PRAMEF5: variants seen among roughly 807,000 people sequenced by gnomAD.
PRAMEF5 encodes the protein PRAME family member 23.
In PRAMEF5, 5 loss-of-function variants were observed where a neutral mutation model predicts 16.4. The observed-to-expected ratio is 0.30, with a 90% CI of 0.16 to 0.64. The LOEUF (loss-of-function observed/expected upper bound fraction) is 0.64, where lower values mean the gene tolerates loss of function less well. PRAMEF5 is among the 30% of genes least tolerant of loss of function. PRAMEF5 has a pLI of 0.80. For missense variants in PRAMEF5, 36 were observed against 282.9 expected (o/e 0.13, Z 6.26); for synonymous variants, 19 against 107.3 (o/e 0.18, Z 5.09).
chr1:13,255,770 CTTTTTCTTTTTTTTTTTTTT>C (rs1639312540), intron 1 of PRAMEF5: 1 of 24,610 alleles, frequency 4.1e-5, no homozygotes, highest in Non-Finnish European at 1.0e-4. Flanking sequence ...TCTCCTTTTT[CTTTTTCTTTTTTTTTTTTTT>C]TTTTTTTTTT....
chr1:13,262,106 G>A (rs1418593027), intron 3 of PRAMEF5: 2 of 153,150 alleles, frequency 1.3e-5, no homozygotes, highest in Admixed American at 6.3e-5. Flanking sequence ...CTGTCACCCA[G>A]GCTGGAGTGT....
chr1:13,260,654 C>A, exon 3 of PRAMEF5: 1 of 469,130 alleles, frequency 2.1e-6, no homozygotes, highest in Non-Finnish European at 3.5e-6. Flanking sequence ...TCGTTCTCTC[C>A]CACATGGATG....
At chr1:13,260,178 A>T in intron 2 of PRAMEF5, 44 bp from the exon 3 acceptor site, 1 of 1,560,490 alleles carries the variant, frequency 6.4e-7, no homozygotes, top group South Asian at 1.1e-5. Flanking sequence ...TTAAGTTCAG[A>T]AATGAGTTCT....
At chr1:13,259,996 G>A (rs1247140321) in intron 2 of PRAMEF5, 6 of 601,724 alleles carry the variant, frequency 1.0e-5, no homozygotes, top group African/African-American at 7.5e-5. Context: ...TTGCAGTGAG[G>A]TGACATCACA....
downstream of PRAMEF5, chr1:13,263,346 A>G (rs1639425640): frequency 6.6e-6 from 4 of 609,674 alleles, no homozygotes; most frequent in South Asian, 4.0e-5. Context: ...GGGAATTTGA[A>G]TGTCTAGAGT....
rs1190508079 is a variant in PRAMEF5, at chr1:13,263,308, G to A, written c.*197G>A. The A allele has an allele frequency of 6.2e-4, 386 of 620,446 alleles. 11 individuals carry two copies. The highest frequency in any genetic ancestry group is 1.0e-3 in the Non-Finnish European group (348 of 348,454). The allele number at this position is 620,446 out of a possible 1,614,324, so 38.4% of individuals were successfully genotyped here. A position where few individuals can be genotyped will look rare whatever the true frequency, so the allele number is the denominator to read the frequency against. ...TTGCCATGGATTCGATGGGACTTTG[G>A]GGACCTGTGTCCTGTAGAGTGGAAA... On this transcript the variant is annotated 3_prime_UTR_variant, in exon 4 of 4. Transcript: ENST00000622421.
At chr1:13,260,341 A>G (rs1639380041) in exon 3 of PRAMEF5, 2 of 1,598,812 alleles carry the variant, frequency 1.3e-6, no homozygotes, top group Admixed American at 1.7e-5. Flanking sequence ...AAACCAGTGC[A>G]GGACTGTCCA....
At chr1:13,260,041 G>T (rs1160205283) in intron 2 of PRAMEF5, 181 bp from the exon 3 acceptor site, 517,650 of 751,830 alleles carry the variant, frequency 0.69, 164,032 homozygotes, top group South Asian at 0.77. Flanking sequence ...AGAGGGAGAC[G>T]TGGTCTCAAA....
chr1:13,263,085 C>T (rs1385088674), exon 4 of PRAMEF5: 1 of 1,273,716 alleles, frequency 7.9e-7, no homozygotes, highest in African/African-American at 1.5e-5. Context: ...ATTTTATGAC[C>T]TGGAGGCAGA....
In PRAMEF5 at chr1:13,260,835, C is replaced by A; in HGVS notation, c.869+32C>A. On this transcript the variant is annotated intron_variant, in intron 3 of 3. Transcript: ENST00000622421. The stretch of plus-strand genomic sequence containing the variant: ...GAGGGTGGTGAGCTTTCTCTGCAGA[C>A]CACAGCAGAGCCTGTTACAGTAAAC... 1.3e-5 allele frequency: 4 copies of A among 303,488 alleles called. No individual in the cohort carries two copies. In the Admixed American group the frequency reaches 2.9e-4, roughly 22 times the overall value. 18.8% of individuals were successfully genotyped at this position (303,488 alleles called of 1,614,324 possible). A position where few individuals can be genotyped will look rare whatever the true frequency, so the allele number is the denominator to read the frequency against.
At chr1:13,261,031 G>A in intron 3 of PRAMEF5, 1 of 32,414 alleles carries the variant, frequency 3.1e-5, no homozygotes, top group Non-Finnish European at 5.6e-5. Flanking sequence ...AGGCTGCCAT[G>A]CTAGGAAGCT....
At chr1:13,263,348 G>A (rs77402914), downstream of PRAMEF5, 60,488 of 598,988 alleles carry the variant, frequency 0.1, 111 homozygotes, top group African/African-American at 0.27. Flanking sequence ...GAATTTGAAT[G>A]TCTAGAGTGG....
At chr1:13,261,914 T>C (rs1339075304) in intron 3 of PRAMEF5, 1 of 32,130 alleles carries the variant, frequency 3.1e-5, no homozygotes, top group Non-Finnish European at 6.2e-5. Context: ...GGGTTTGTCC[T>C]TTATGCCTGA....
intron 1 of PRAMEF5, chr1:13,255,776 C>CTTTTTTTTTTT (rs1174990976): frequency 4.6e-5 from 1 of 21,668 alleles, no homozygotes; most frequent in Admixed American, 9.3e-4. Context: ...TTTTCTTTTT[C>CTTTTTTTTTTT]TTTTTTTTTT....
intron 3 of PRAMEF5, chr1:13,261,805 C>T (rs1402739639): frequency 4.5e-5 from 1 of 22,438 alleles, no homozygotes; most frequent in African/African-American, 1.3e-4. Flanking sequence ...GGAGCAGGCA[C>T]AAAGAATGGT....
At chr1:13,256,439 GT>G (rs1639329884) in intron 1 of PRAMEF5, 1 of 66,676 alleles carries the variant, frequency 1.5e-5, no homozygotes, top group African/African-American at 3.7e-5. Flanking sequence ...GATCTGGTAA[GT>G]CACTAATTTC....
chr1:13,261,766 A>C (rs1471954676), intron 3 of PRAMEF5: 10 of 15,126 alleles, frequency 6.6e-4, no homozygotes, highest in African/African-American at 1.9e-3. Flanking sequence ...ATTACCTAGG[A>C]AATGCATGAT....
rs1485752986 is a variant in PRAMEF5, at chr1:13,260,094, A to G, written c.288-128A>G. ...TGGAAGTGGGCAGGATCCAAGGGGAAAACAGGGTGAAGAAAAGTCAGAGAG... is the reference window on the plus strand; with the variant it reads ...TGGAAGTGGGCAGGATCCAAGGGGAGAACAGGGTGAAGAAAAGTCAGAGAG... On this transcript the variant is annotated intron_variant, in intron 2 of 3. Coordinates refer to ENST00000622421, the Ensembl canonical transcript of PRAMEF5. The G allele has an allele frequency of 1.5e-3, 2,279 of 1,487,872 alleles. 1 individual carries two copies. The African/African-American group carries it at 0.028, about 18-fold the overall frequency. The allele number at this position is 1,487,872 out of a possible 1,614,324, so 92.2% of individuals were successfully genotyped here.
intron 2 of PRAMEF5, chr1:13,259,921 T>C (rs1553173705): frequency 0.086 from 37,118 of 430,866 alleles, 369 homozygotes; most frequent in South Asian, 0.16. Context: ...TGGTGGTGGG[T>C]TCCTGTAATC....
Sources: gnomAD v4.1 joint callset for allele counts on GRCh38, gnomAD v4.1.1 for gene constraint, MANE v1.5 for transcripts, NCBI Gene and HGNC (gene_info 2026-07-23, HGNC 2026-07-21) for gene names.